ZNF143: variants seen among roughly 807,000 people sequenced by gnomAD.
ZNF143 encodes the protein zinc finger protein 143.
In ZNF143, 49 loss-of-function variants were observed where a neutral mutation model predicts 74.1. The ratio of observed to expected loss-of-function variants is 0.66; its 90% CI spans 0.53 to 0.84. ZNF143 has a LOEUF of 0.84. Among genes scored for constraint, ZNF143 ranks in the 40% least tolerant of loss-of-function variants. ZNF143 has a pLI of 0.00. For missense variants in ZNF143, 637 were observed against 793.4 expected, an observed-to-expected ratio of 0.80 and a Z score of 2.37; for synonymous variants, 304 against 282.8, an observed-to-expected ratio of 1.07 and a Z score of -0.75.
At position 9,478,721 on chromosome 11, in the gene ZNF143, C is replaced by T. The variant is rs184368521; in HGVS notation, c.570+135C>T. The T allele has an allele frequency of 2.3e-3, 2,125 of 927,218 alleles. 18 individuals carry two copies. Among genetic ancestry groups the T allele is most frequent in the Non-Finnish European group, 2.7e-3 (1,696 of 633,846 alleles). 57.4% of individuals were successfully genotyped at this position (927,218 alleles called of 1,614,324 possible). A position where few individuals can be genotyped will look rare whatever the true frequency, so the allele number is the denominator to read the frequency against. The stretch of plus-strand genomic sequence containing the variant: ...TGGCTGGGCATGGCGTGATGGCTCA[C>T]GCCTATAACTTCCCAGCACTTTGGG... On this transcript the variant is annotated intron_variant, in intron 6 of 15. Transcript: ENST00000396602.
At position 9,508,950 on chromosome 11, in the gene ZNF143, G is replaced by A. The variant is rs77896631; in HGVS notation, c.1375+104G>A. ...TTTCTGAAATCCTAATGTGTCATTC[G>A]TATAATCACATAAACATAATTTACA... On this transcript the variant is annotated intron_variant, in intron 12 of 15. Coordinates refer to ENST00000396602, the MANE Select transcript of ZNF143 (RefSeq NM_003442.6). The A allele has an allele frequency of 1.4e-3, 1,593 of 1,176,498 alleles. 16 individuals are homozygous for A. In the African/African-American group the frequency reaches 0.02, roughly 15 times the overall value. 72.9% of individuals were successfully genotyped at this position (1,176,498 alleles called of 1,614,324 possible).
intron 13 of ZNF143, among the ~76,000 whole-genome samples, chr11:9,514,148 T>C (rs930405239): frequency 3.9e-5 from 6 of 152,196 alleles, no homozygotes; most frequent in Non-Finnish European, 5.9e-5. Flanking sequence ...TCCTCCTGCG[T>C]CAGCCTCCCA....
In ZNF143 at chr11:9,508,825, G is replaced by T; in HGVS notation, c.1354G>T (p.Ala452Ser). 1 of 1,595,620 alleles carries T rather than the reference G, an allele frequency of 6.3e-7. No homozygotes were observed. Among genetic ancestry groups the T allele is most frequent in the South Asian group, 1.1e-5 (1 of 88,984 alleles). The change falls in exon 12 of 16, where the codon GCC (alanine) becomes TCC (serine). Residue 452 changes from alanine (A) to serine (S), a missense_variant. Physicochemically the swap from Ala to Ser is moderately conservative, Grantham distance 99. Around this residue, in one of 2 missense-constraint regions of ZNF143, gnomAD observed 344 missense variants for 485.6 expected, o/e 0.71. Coordinates refer to ENST00000396602, the MANE Select transcript of ZNF143 (RefSeq NM_003442.6). The stretch of plus-strand genomic sequence containing the variant: ...TGAGCCCATCGAGGAGGAGCAGGAA[G>T]CCTTCTTTGAGCCGCCCCCAGGTGA... ...DTEPIEEEQEAFFEPPPGQGE... is the reference protein window; with the variant it reads ...DTEPIEEEQESFFEPPPGQGE...
intron 5 of ZNF143, 129 bp from the exon 6 acceptor site, chr11:9,478,261 C>T (rs1590528358): frequency 2.4e-6 from 2 of 832,628 alleles, no homozygotes; most frequent in East Asian, 2.6e-5. Flanking sequence ...TGAAATAACA[C>T]ATATCAAGTG....
At chr11:9,512,097 A>G (rs1394002231) in intron 12 of ZNF143, among the ~76,000 whole-genome samples, 1 of 152,128 alleles carries the variant, frequency 6.6e-6, no homozygotes, top group Non-Finnish European at 1.5e-5. Flanking sequence ...TACTTGCTGT[A>G]TTTGAAGGGT....
intron 14 of ZNF143, among the ~76,000 whole-genome samples, chr11:9,524,100 C>A (rs1849043168): frequency 6.7e-6 from 1 of 149,864 alleles, no homozygotes; most frequent in Non-Finnish European, 1.5e-5. Context: ...GATTTGGGGG[C>A]TTCCCACTCA....
intron 1 of ZNF143, chr11:9,461,938 C>G (rs189195799): frequency 1.2e-4 from 19 of 152,308 alleles, no homozygotes; most frequent in African/African-American, 4.3e-4. Context: ...CTGATATAAT[C>G]AAGTGAGAAT....
Position 9,527,715 on chromosome 11 carries a change from T to C in ZNF143, c.*102T>C. On this transcript the variant is annotated 3_prime_UTR_variant, in exon 16 of 16. Transcript: ENST00000396602. ...AGGAAAATTAGAAGTTTTCCATTCC[T>C]GATACACTGTACACATTTTTATGCG... is the stretch of plus-strand genomic sequence containing the variant. 2 of 1,001,932 alleles carry C rather than the reference T, an allele frequency of 2.0e-6. No individual in the cohort carries two copies. The highest frequency in any genetic ancestry group is 1.4e-5 in the South Asian group (1 of 70,330). The allele number at this position is 1,001,932 out of a possible 1,614,324, so 62.1% of individuals were successfully genotyped here. A position where few individuals can be genotyped will look rare whatever the true frequency, so the allele number is the denominator to read the frequency against.
intron 14 of ZNF143, among the ~76,000 whole-genome samples, chr11:9,522,284 C>T (rs748653311): frequency 1.2e-4 from 18 of 151,942 alleles, no homozygotes; most frequent in African/African-American, 2.4e-5. Flanking sequence ...CAAGTGTTCC[C>T]GAGTAGCTGG....
At chr11:9,513,250 A>G (rs1848614935) in intron 13 of ZNF143, among the ~76,000 whole-genome samples, 1 of 152,154 alleles carries the variant, frequency 6.6e-6, no homozygotes, top group African/African-American at 2.4e-5. Context: ...TTTCATGGAG[A>G]ACGCTCTCCT....
At chr11:9,517,046 C>T (rs1848749316) in intron 14 of ZNF143, among the ~76,000 whole-genome samples, 1 of 152,182 alleles carries the variant, frequency 6.6e-6, no homozygotes, top group South Asian at 2.1e-4. Flanking sequence ...TCCCGAGTAG[C>T]TGAGACTACA....
At chr11:9,524,624 A>G (rs989359892) in intron 14 of ZNF143, among the ~76,000 whole-genome samples, 9 of 152,154 alleles carry the variant, frequency 5.9e-5, no homozygotes, top group African/African-American at 2.2e-4. Flanking sequence ...TTTCCATGTT[A>G]TCTGCATTTT....
intron 9 of ZNF143, among the ~76,000 whole-genome samples, chr11:9,496,937 G>T (rs1194201799): frequency 6.6e-6 from 1 of 152,064 alleles, no homozygotes; most frequent in Non-Finnish European, 1.5e-5. Flanking sequence ...TCCACATTCT[G>T]TTTATTTTAG....
intron 5 of ZNF143, among the ~76,000 whole-genome samples, chr11:9,476,300 G>T (rs1033759297): frequency 6.6e-6 from 1 of 152,120 alleles, no homozygotes; most frequent in East Asian, 1.9e-4. Context: ...ACTTAGAACC[G>T]TGCTTGTCTC....
chr11:9,513,389 C>CT (rs1240009849), intron 13 of ZNF143, among the ~76,000 whole-genome samples: 1 of 152,224 alleles, frequency 6.6e-6, no homozygotes, highest in Non-Finnish European at 1.5e-5. Flanking sequence ...ACACTATACT[C>CT]TCTGTCCTCT....
chr11:9,464,882 C>T (rs1856102421), intron 1 of ZNF143, among the ~76,000 whole-genome samples: 1 of 151,894 alleles, frequency 6.6e-6, no homozygotes, highest in Non-Finnish European at 1.5e-5. Flanking sequence ...GAGATCGCGT[C>T]ACTGTATTCC....
intron 13 of ZNF143, 39 bp downstream of exon 13, chr11:9,512,635 T>G: frequency 6.2e-7 from 1 of 1,608,140 alleles, no homozygotes; most frequent in Non-Finnish European, 8.5e-7. Context: ...TAAATCTTTC[T>G]GTGAACCTGG....
intron 14 of ZNF143, among the ~76,000 whole-genome samples, chr11:9,519,518 C>G (rs1195978820): frequency 6.6e-6 from 1 of 152,128 alleles, no homozygotes; most frequent in African/African-American, 2.4e-5. Context: ...GGTTTTTCTA[C>G]TTAACGTTTT....
intron 1 of ZNF143, among the ~76,000 whole-genome samples, chr11:9,463,428 C>A (rs1191484792): frequency 6.6e-6 from 1 of 152,202 alleles, no homozygotes; most frequent in Non-Finnish European, 1.5e-5. Context: ...TTCTCCATAT[C>A]CTTACCAACA....
Sources: allele counts gnomAD v4.1 joint callset (sites outside exome capture counted in the v4.1 genomes callset), GRCh38; gene constraint gnomAD v4.1.1; regional missense constraint gnomAD v4.1.1; transcripts MANE v1.5; gene names NCBI Gene and HGNC (gene_info 2026-07-23, HGNC 2026-07-21).